RASGRP3: variants seen among roughly 807,000 people sequenced by gnomAD.
RASGRP3 encodes ras guanyl-releasing protein 3.
In RASGRP3, 54 loss-of-function variants were observed where a neutral mutation model predicts 82.7. The observed-to-expected ratio is 0.65, with a 90% confidence interval of 0.52 to 0.82. The LOEUF (loss-of-function observed/expected upper bound fraction) is 0.82, where lower values mean the gene tolerates loss of function less well. Ranked by LOEUF, RASGRP3 falls within the 40% of genes least tolerant of loss-of-function variation. The probability of loss-of-function intolerance (pLI) is 0.00; values close to 1 mark genes in which losing one functional copy is unlikely to be tolerated. For missense variants in RASGRP3, 861 were observed against 828.9 expected (o/e 1.04, Z -0.48); for synonymous variants, 309 against 300.5 (o/e 1.03, Z -0.29).
intron 1 of RASGRP3, among the ~76,000 whole-genome samples, chr2:33,437,033 A>T (rs149093368): frequency 1.3e-5 from 2 of 151,854 alleles, no homozygotes; most frequent in South Asian, 2.1e-4. Context: ...TATAAAAGTT[A>T]TATATAAAAT....
At chr2:33,509,260 G>C (rs1322051929) in intron 1 of RASGRP3, among the ~76,000 whole-genome samples, 1 of 152,110 alleles carries the variant, frequency 6.6e-6, no homozygotes, top group East Asian at 1.9e-4. Flanking sequence ...AAATTAGCCA[G>C]GTGTGGTGGC....
intron 2 of RASGRP3, among the ~76,000 whole-genome samples, chr2:33,464,110 A>AATT (rs70938402): frequency 0.028 from 4,062 of 144,186 alleles, 73 homozygotes; most frequent in South Asian, 0.053. Flanking sequence ...TAATAATAAT[A>AATT]ATTATTATTA....
At chr2:33,484,574 A>T (rs1057458722) in intron 1 of RASGRP3, among the ~76,000 whole-genome samples, 5 of 152,034 alleles carry the variant, frequency 3.3e-5, no homozygotes, top group Non-Finnish European at 7.4e-5. Flanking sequence ...CCCAGTCTGA[A>T]TGGTGGTGCT....
At position 33,504,704 on chromosome 2, in the gene RASGRP3, T is replaced by C. The variant is rs76424440; in HGVS notation, c.-260-7006T>C. Among the ~76,000 whole-genome samples the C allele has an allele frequency of 6.7e-3, 1,027 of 152,342 alleles. 10 individuals carry two copies. The highest frequency in any genetic ancestry group is 0.024 in the African/African-American group (986 of 41,584). ...AGATTTTGTAGTCCAGGCTGTGCCT[T>C]CTGTTCACATTCTCTTGCTTTTTAG... is the stretch of plus-strand genomic sequence containing the variant. On this transcript the variant is annotated intron_variant, in intron 1 of 17. Coordinates refer to ENST00000403687, the MANE Select transcript of RASGRP3 (RefSeq NM_001139488.2).
At chr2:33,475,269 G>A (rs762422839), upstream of RASGRP3, among the ~76,000 whole-genome samples, 21 of 152,176 alleles carry the variant, frequency 1.4e-4, no homozygotes, top group Non-Finnish European at 2.9e-4. Flanking sequence ...CTCACAAGTT[G>A]ACAACAAATT....
At chr2:33,482,723 T>A (rs1668045332) in intron 1 of RASGRP3, 1 of 152,178 alleles carries the variant, frequency 6.6e-6, no homozygotes, top group African/African-American at 2.4e-5. Flanking sequence ...GACAGCATCA[T>A]CAGAATGTTG....
intron 1 of RASGRP3, among the ~76,000 whole-genome samples, chr2:33,507,206 C>G (rs1463028668): frequency 6.6e-6 from 1 of 152,118 alleles, no homozygotes; most frequent in Non-Finnish European, 1.5e-5. Flanking sequence ...ACCATCCTGG[C>G]CAACATGGTG....
intron 1 of RASGRP3, among the ~76,000 whole-genome samples, chr2:33,439,592 T>C (rs1014053682): frequency 4.6e-5 from 7 of 152,218 alleles, no homozygotes; most frequent in African/African-American, 1.7e-4. Flanking sequence ...TGGGACCTAC[T>C]TATACGAAAA....
intron 1 of RASGRP3, among the ~76,000 whole-genome samples, chr2:33,487,517 T>A (rs906583362): frequency 6.6e-6 from 1 of 152,212 alleles, no homozygotes; most frequent in African/African-American, 2.4e-5. Flanking sequence ...AGCATATGAA[T>A]ATGCCATTAA....
intron 1 of RASGRP3, among the ~76,000 whole-genome samples, chr2:33,486,128 A>ATTTCT (rs374794209): frequency 2.7e-5 from 4 of 150,762 alleles, no homozygotes; most frequent in East Asian, 2.0e-4. Flanking sequence ...TTCACTTGGT[A>ATTTCT]TTTCTTTTCT....
chr2:33,443,037 C>T (rs528797987), intron 1 of RASGRP3, among the ~76,000 whole-genome samples: 5 of 152,114 alleles, frequency 3.3e-5, no homozygotes, highest in Non-Finnish European at 5.9e-5. Flanking sequence ...TCAGTGTGAA[C>T]GCCTCCCTGT....
Position 33,520,576 on chromosome 2 carries a change from C to T in RASGRP3, c.260C>T (p.Ala87Val). 12 of 1,614,012 alleles carry T rather than the reference C, an allele frequency of 7.4e-6. No individual in the cohort carries two copies. Among genetic ancestry groups the T allele is most frequent in the Non-Finnish European group, 1.0e-5 (12 of 1,179,866 alleles). Reference sequence around the variant, plus strand: ...AGGTACTGGATTCTGAAGTTTCCTGCAGAGTTTAATTTGGATCTTGGTTTG... The same window carrying T: ...AGGTACTGGATTCTGAAGTTTCCTGTAGAGTTTAATTTGGATCTTGGTTTG... ...FMRYWILKFP[A>V]EFNLDLGLIR... The change falls in exon 6 of 18, where the codon GCA (alanine) becomes GTA (valine). Residue 87 changes from alanine (A) to valine (V), a missense_variant. By Grantham distance (64) the Ala-to-Val change is moderately conservative (BLOSUM62 0). Coordinates refer to ENST00000403687, the MANE Select transcript of RASGRP3 (RefSeq NM_001139488.2).
intron 2 of RASGRP3, among the ~76,000 whole-genome samples, chr2:33,451,080 G>C (rs1422126398): frequency 6.6e-6 from 1 of 151,268 alleles, no homozygotes; most frequent in Admixed American, 6.6e-5. Context: ...TGACCAGGAT[G>C]GTCTCCAACT....
chr2:33,531,842 G>T, intron 10 of RASGRP3: 1 of 151,146 alleles, frequency 6.6e-6, no homozygotes, highest in Non-Finnish European at 1.5e-5. Context: ...GGTTGGCTGT[G>T]GTAGTGCTTC....
intron 11 of RASGRP3, among the ~76,000 whole-genome samples, chr2:33,538,720 C>G (rs900409367): frequency 2.6e-5 from 4 of 151,944 alleles, no homozygotes; most frequent in African/African-American, 9.7e-5. Context: ...GTCCCTGGTC[C>G]TAGTTGTTCA....
At chr2:33,541,359 A>G (rs1674266518) in intron 12 of RASGRP3, among the ~76,000 whole-genome samples, 1 of 147,114 alleles carries the variant, frequency 6.8e-6, no homozygotes. Context: ...AAACACACAT[A>G]TACTACATAC....
chr2:33,547,600 C>T (rs570880195), intron 13 of RASGRP3, among the ~76,000 whole-genome samples: 1 of 151,976 alleles, frequency 6.6e-6, no homozygotes, highest in Non-Finnish European at 1.5e-5. Context: ...AGAGGTCTAG[C>T]AAGTTGTCAA....
At chr2:33,534,268 T>C (rs1673382136) in intron 10 of RASGRP3, 55 bp from the exon 11 acceptor site, 2 of 1,199,322 alleles carry the variant, frequency 1.7e-6, no homozygotes, top group Admixed American at 4.2e-5. Flanking sequence ...TTCAGCAACG[T>C]AAATAAATAA....
intron 2 of RASGRP3, among the ~76,000 whole-genome samples, chr2:33,513,378 T>C (rs991674488): frequency 1.8e-4 from 28 of 152,324 alleles, no homozygotes; most frequent in African/African-American, 5.3e-4. Context: ...TTCCTATTCA[T>C]TCACATGTTT....
Sources: gnomAD v4.1 joint callset for allele counts (sites outside exome capture counted in the v4.1 genomes callset) on GRCh38, gnomAD v4.1.1 for gene constraint, MANE v1.5 for transcripts, NCBI Gene and HGNC (gene_info 2026-07-23, HGNC 2026-07-21) for gene names.